The following SAP130 variants were observed in gnomAD, a reference collection of about 807,000 sequenced individuals.
The protein encoded by SAP130 is histone deacetylase complex subunit SAP130.
SAP130 carries 16 observed loss-of-function variants against 103.2 expected under a neutral mutation model. That is an observed-to-expected ratio of 0.16 (90% CI 0.10 to 0.24). SAP130 has a LOEUF of 0.24. Among genes scored for constraint, SAP130 ranks in the 10% least tolerant of loss-of-function variants. SAP130 has a pLI of 1.00. For missense variants in SAP130, 990 were observed against 1,359.7 expected (o/e 0.73, Z 4.28); for synonymous variants, 477 against 497.0 (o/e 0.96, Z 0.53).
intron 14 of SAP130, among the ~76,000 whole-genome samples, chr2:127,983,155 T>C (rs1396767093): frequency 6.6e-6 from 1 of 152,156 alleles, no homozygotes; most frequent in Non-Finnish European, 1.5e-5. Flanking sequence ...CAGATACACC[T>C]GCAAAATCTA....
chr2:127,942,341 A>T lies in SAP130; in HGVS notation c.3015+83T>A, dbSNP rs745493522. 1 of 1,110,262 alleles carries T rather than the reference A, an allele frequency of 9.0e-7. No homozygotes were observed. The highest frequency in any genetic ancestry group is 1.4e-6 in the Non-Finnish European group (1 of 731,506). 68.8% of individuals were successfully genotyped at this position (1,110,262 alleles called of 1,614,324 possible). Reference sequence around the variant, plus strand: ...TGTTTTTACTGAAGATATGAGGGAGACGGGGGGAAACGGGAGAAGTAGGGC... The same window carrying T: ...TGTTTTTACTGAAGATATGAGGGAGTCGGGGGGAAACGGGAGAAGTAGGGC... On this transcript the variant is annotated intron_variant, in intron 20 of 20. Coordinates refer to ENST00000643581, the MANE Select transcript of SAP130 (RefSeq NM_001330301.2). This position sits in a 1 kb window ranked among gnomAD's most constrained non-coding sequence, Gnocchi z 4.8.
intron 15 of SAP130, among the ~76,000 whole-genome samples, chr2:127,971,917 A>G (rs1431921011): frequency 3.3e-5 from 5 of 152,240 alleles, no homozygotes; most frequent in African/African-American, 1.2e-4. Context: ...AATTTTAATT[A>G]TCTTCATATT....
chr2:127,996,543 T>C lies in SAP130; in HGVS notation c.1214-52A>G. ...GACCATTCTACACTTTTTTTTGGCA[T>C]GCCAAAACATTCTTGGCTAGCAGCA... On this transcript the variant is annotated intron_variant, in intron 10 of 20. Transcript: ENST00000643581. The surrounding 1 kb of genome is among the most constrained non-coding windows in gnomAD (Gnocchi z 4.3). 2.9e-6 allele frequency: 4 copies of C among 1,402,244 alleles called. No homozygotes were observed. Among genetic ancestry groups the C allele is most frequent in the Non-Finnish European group, 3.8e-6 (4 of 1,062,832 alleles). The allele number at this position is 1,402,244 out of a possible 1,614,324, so 86.9% of individuals were successfully genotyped here.
intron 12 of SAP130, among the ~76,000 whole-genome samples, chr2:127,990,663 C>T (rs1406206988): frequency 1.3e-5 from 2 of 152,078 alleles, no homozygotes; most frequent in East Asian, 3.8e-4. Context: ...AAAAACAGCC[C>T]GGTGTGATGA....
At chr2:128,016,776 A>C (rs185642085) in intron 3 of SAP130, among the ~76,000 whole-genome samples, 1 of 152,224 alleles carries the variant, frequency 6.6e-6, no homozygotes, top group Non-Finnish European at 1.5e-5. Flanking sequence ...TCAAAGCCAC[A>C]CACACAGTAA....
chr2:127,965,011 A>AAG (rs386391185), intron 15 of SAP130, among the ~76,000 whole-genome samples: 4 of 148,082 alleles, frequency 2.7e-5, no homozygotes, highest in African/African-American at 9.9e-5. Flanking sequence ...AAAAAAAAAA[A>AAG]ACAGGCTGGG....
intron 15 of SAP130, among the ~76,000 whole-genome samples, chr2:127,975,709 G>C (rs933438476): frequency 2.6e-4 from 40 of 152,164 alleles, no homozygotes; most frequent in Admixed American, 1.3e-4. Flanking sequence ...GTGGTGTTGA[G>C]TGAATCAGCT....
chr2:127,952,223 C>T (rs929350008), intron 16 of SAP130, among the ~76,000 whole-genome samples: 1 of 152,140 alleles, frequency 6.6e-6, no homozygotes, highest in Non-Finnish European at 1.5e-5. Flanking sequence ...GAGGCTGAGG[C>T]GGGCAGATCA....
At chr2:127,974,774 C>T (rs576941687) in intron 15 of SAP130, among the ~76,000 whole-genome samples, 65 of 152,314 alleles carry the variant, frequency 4.3e-4, no homozygotes, top group African/African-American at 1.5e-3. Context: ...GATTGAGCTA[C>T]TGCACTCTAG....
chr2:127,957,539 T>C (rs1481872773), intron 15 of SAP130, among the ~76,000 whole-genome samples: 6 of 151,972 alleles, frequency 3.9e-5, no homozygotes, highest in African/African-American at 1.5e-4. Flanking sequence ...CTGGGCGTGG[T>C]GGTGTATGCC....
At position 128,018,019 on chromosome 2, in the gene SAP130, G is replaced by A. The variant is rs1362043326; in HGVS notation, c.113-104C>T. 5.5e-6 allele frequency: 5 copies of A among 902,534 alleles called. No individual in the cohort carries two copies. In the African/African-American group the frequency reaches 6.7e-5, roughly 12 times the overall value. The allele number at this position is 902,534 out of a possible 1,614,324, so 55.9% of individuals were successfully genotyped here. On this transcript the variant is annotated intron_variant, in intron 2 of 20. Transcript: ENST00000643581. Reference sequence around the variant, plus strand: ...GAAGTTAAATCTCAGGATTGACAAAGTGGCCATTTCCTTGTGATGTTTTCT... The same window carrying A: ...GAAGTTAAATCTCAGGATTGACAAAATGGCCATTTCCTTGTGATGTTTTCT...
chr2:127,957,917 T>C (rs1321268210), intron 15 of SAP130, among the ~76,000 whole-genome samples: 1 of 151,844 alleles, frequency 6.6e-6, no homozygotes, highest in African/African-American at 2.4e-5. Flanking sequence ...AAGGAGGAGA[T>C]GGAAATTGAG....
At chr2:127,994,849 T>C (rs975511005) in intron 11 of SAP130, among the ~76,000 whole-genome samples, 1 of 152,178 alleles carries the variant, frequency 6.6e-6, no homozygotes, top group Non-Finnish European at 1.5e-5. Context: ...AACATGTACA[T>C]AGGAAATTCA....
chr2:127,995,678 T>C (rs989034699), intron 11 of SAP130, among the ~76,000 whole-genome samples: 1 of 152,232 alleles, frequency 6.6e-6, no homozygotes, highest in African/African-American at 2.4e-5. Context: ...GAATGTTTAC[T>C]GGAGAACAGG....
rs368236504 is a variant in SAP130 at position 127,996,466 on chromosome 2, C to A, written c.1239G>T (p.Thr413=). Residue 413 remains threonine, a synonymous_variant, in exon 11 of 21, where the codon ACG becomes ACT. Transcript: ENST00000643581. The surrounding 1 kb of genome is among the most constrained non-coding windows in gnomAD (Gnocchi z 4.3). ...CTGGCTGGATCCGAGGAGAAGTGTG[C>A]GTGATCTGCTGGGGCACCACCTTGG... is the stretch of plus-strand genomic sequence containing the variant. ...PVAKVVPQQI[T]HTSPRIQPDY... is the part of the protein sequence containing the mutation. 1 of 1,587,604 alleles carries A rather than the reference C, an allele frequency of 6.3e-7. No individual in the cohort carries two copies. Among genetic ancestry groups the A allele is most frequent in the South Asian group, 1.1e-5 (1 of 87,628 alleles).
chr2:128,023,049 A>C (rs184247996), intron 2 of SAP130, among the ~76,000 whole-genome samples: 2 of 150,854 alleles, frequency 1.3e-5, no homozygotes, highest in Admixed American at 1.3e-4. Flanking sequence ...GCTGAAGTGC[A>C]GTGGCGCTAT....
At chr2:127,971,428 G>A (rs1187349207) in intron 15 of SAP130, among the ~76,000 whole-genome samples, 12 of 152,052 alleles carry the variant, frequency 7.9e-5, no homozygotes, top group East Asian at 3.9e-4. Context: ...TGGGACTACC[G>A]GCACCCGCCA....
At chr2:127,999,997 A>AC (rs1337211848) in intron 9 of SAP130, 59 bp downstream of exon 9, 3 of 1,533,646 alleles carry the variant, frequency 2.0e-6, no homozygotes, top group Non-Finnish European at 2.7e-6. Flanking sequence ...TGAAAAATTA[A>AC]CCCATCACTC....
chr2:128,014,756 T>A (rs766719515), intron 5 of SAP130, 47 bp downstream of exon 5: 3 of 1,293,194 alleles, frequency 2.3e-6, no homozygotes, highest in Non-Finnish European at 3.4e-6. Context: ...CAAATGTATA[T>A]CTACTACTAC....
Sources: gnomAD v4.1 joint callset for allele counts (sites outside exome capture counted in the v4.1 genomes callset) on GRCh38, gnomAD v4.1.1 for gene constraint, Gnocchi (gnomAD v3.1) non-coding constraint, MANE v1.5 for transcripts, NCBI Gene and HGNC (gene_info 2026-07-23, HGNC 2026-07-21) for gene names.